The following DTNA variants were observed in gnomAD, a reference collection of about 807,000 sequenced individuals.
The protein encoded by DTNA is dystrobrevin alpha.
In DTNA, 43 loss-of-function variants were observed where a neutral mutation model predicts 100.7. The observed-to-expected ratio is 0.43, with a 90% CI of 0.33 to 0.55. The LOEUF (loss-of-function observed/expected upper bound fraction) is 0.55. Among genes scored for constraint, DTNA ranks in the 20% least tolerant of loss-of-function variants. DTNA has a pLI of 0.04. For missense variants in DTNA, 798 were observed against 953.9 expected (o/e 0.84, Z 2.15); for synonymous variants, 349 against 347.9 (o/e 1.00, Z -0.04).
Position 34,625,379 on chromosome 18 carries a change from C to T in DTNA, c.-1-130597C>T, listed in dbSNP as rs189995837. 6.1e-3 allele frequency among the ~76,000 whole-genome samples: 927 copies of T among 152,146 alleles called. 10 individuals are homozygous for T. The highest frequency in any genetic ancestry group is 0.021 in the African/African-American group (870 of 41,524). ...GTAGAGACGGGGTTTCACCATGTTG[C>T]CCAGGCTGGTCTGGAACTCCTGGTG... On this transcript the variant is annotated intron_variant, in intron 1 of 19. Transcript: ENST00000283365.
rs75111524 is a variant in DTNA at position 34,730,907 on chromosome 18, C to T, written c.-2+20462C>T. Reference sequence around the variant, plus strand: ...GTTGGCAAGGACTGGTGTGGGGAGGCTCACAGCCTTTGATGTCTCTCCAGA... The same window carrying T: ...GTTGGCAAGGACTGGTGTGGGGAGGTTCACAGCCTTTGATGTCTCTCCAGA... On this transcript the variant is annotated intron_variant, in intron 1 of 22. Coordinates refer to ENST00000444659, the MANE Select transcript of DTNA (RefSeq NM_001386795.1). Among the ~76,000 whole-genome samples, 440 of 152,324 alleles carry T rather than the reference C, an allele frequency of 2.9e-3. 2 individuals are homozygous for T. The highest frequency in any genetic ancestry group is 1.0e-2 in the African/African-American group (414 of 41,588).
At chr18:34,725,315 CAGAAT>C (rs1568327472) in intron 1 of DTNA, among the ~76,000 whole-genome samples, 2 of 151,560 alleles carry the variant, frequency 1.3e-5, no homozygotes, top group African/African-American at 2.4e-5. Flanking sequence ...AGGCAACCTA[CAGAAT>C]AGGAGAAAAT....
chr18:34,883,150 A>G (rs1422707184), intron 21 of DTNA, among the ~76,000 whole-genome samples: 2 of 152,102 alleles, frequency 1.3e-5, no homozygotes, highest in South Asian at 2.1e-4. Context: ...TCTTCCTGGT[A>G]TGTTCCTTTT....
At chr18:34,553,533 A>C (rs1360954987) in intron 1 of DTNA, among the ~76,000 whole-genome samples, 1 of 152,064 alleles carries the variant, frequency 6.6e-6, no homozygotes, top group South Asian at 2.1e-4. Context: ...TAAGTCTTTA[A>C]TCCATCTTGA....
chr18:34,544,445 G>T (rs1303159504), intron 1 of DTNA, among the ~76,000 whole-genome samples: 1 of 152,004 alleles, frequency 6.6e-6, no homozygotes, highest in Non-Finnish European at 1.5e-5. Flanking sequence ...AAACTCAAGA[G>T]AACCATACTT....
intron 1 of DTNA, among the ~76,000 whole-genome samples, chr18:34,604,357 G>A (rs1192268766): frequency 2.0e-5 from 3 of 152,086 alleles, no homozygotes; most frequent in African/African-American, 7.2e-5. Context: ...TCAAAACTGT[G>A]GGTAGCATAA....
chr18:34,762,409 A>G (rs1601604346), intron 2 of DTNA, among the ~76,000 whole-genome samples: 1 of 152,172 alleles, frequency 6.6e-6, no homozygotes, highest in Non-Finnish European at 1.5e-5. Context: ...GAAGGCGTCT[A>G]GTAGTATCCT....
chr18:34,558,431 A>G (rs963517710), intron 1 of DTNA, among the ~76,000 whole-genome samples: 2 of 152,146 alleles, frequency 1.3e-5, no homozygotes, highest in African/African-American at 2.4e-5. Flanking sequence ...GATTAATTCA[A>G]CTATTATTTA....
chr18:34,833,404 C>CTGTGTGTGTGTGTG lies in DTNA; in HGVS notation c.1175+3934_1175+3947dup, dbSNP rs58409064. Among the ~76,000 whole-genome samples, 276 of 144,988 alleles carry CTGTGTGTGTGTGTG rather than the reference C, an allele frequency of 1.9e-3. 1 individual carries two copies. The highest frequency in any genetic ancestry group is 6.3e-3 in the African/African-American group (251 of 39,766). ...TACTTTTCCAGAACCCATTGTGTCA[C>CTGTGTGTGTGTGTG]TGTGTGTGTGTGTGTGTGTGTGTGT... On this transcript the variant is annotated intron_variant, in intron 11 of 22. Transcript: ENST00000444659.
At chr18:34,723,044 T>A (rs1256327128) in intron 1 of DTNA, among the ~76,000 whole-genome samples, 1 of 152,188 alleles carries the variant, frequency 6.6e-6, no homozygotes, top group African/African-American at 2.4e-5. Context: ...TTTGAGTAAA[T>A]GTCTATGGGA....
In DTNA at chr18:34,818,360, T is replaced by C. The variant is rs746494875; in HGVS notation, c.876+30T>C. The stretch of plus-strand genomic sequence containing the variant: ...GGCAAGGTCCAGGCAATACTTGGAG[T>C]TGGATGTGTGAGTGTTGCCCAGAGT... On this transcript the variant is annotated intron_variant, in intron 8 of 22. Coordinates refer to ENST00000444659, the MANE Select transcript of DTNA (RefSeq NM_001386795.1). 2.5e-6 allele frequency: 4 copies of C among 1,610,624 alleles called. No individual in the cohort carries two copies. In the East Asian group the frequency reaches 6.7e-5, roughly 27 times the overall value.
At chr18:34,591,886 G>A (rs1185420977) in intron 1 of DTNA, among the ~76,000 whole-genome samples, 4 of 152,182 alleles carry the variant, frequency 2.6e-5, no homozygotes, top group Non-Finnish European at 4.4e-5. Context: ...AAATAGGCTA[G>A]TAATATGATG....
intron 1 of DTNA, among the ~76,000 whole-genome samples, chr18:34,610,270 G>A (rs530430080): frequency 6.6e-6 from 1 of 152,294 alleles, no homozygotes; most frequent in African/African-American, 2.4e-5. Context: ...CTGTGTTTAT[G>A]AGAACTGGGA....
At chr18:34,742,602 G>T (rs931041664) in intron 1 of DTNA, among the ~76,000 whole-genome samples, 2 of 34,764 alleles carry the variant, frequency 5.8e-5, no homozygotes, top group African/African-American at 2.0e-4. Context: ...ATTTGGGGGG[G>T]TTAAGATGTG....
intron 1 of DTNA, among the ~76,000 whole-genome samples, chr18:34,616,109 T>C (rs1182442094): frequency 2.0e-5 from 3 of 152,236 alleles, no homozygotes; most frequent in Non-Finnish European, 4.4e-5. Context: ...TACCCAATAA[T>C]GGGATTGCTG....
intron 20 of DTNA, among the ~76,000 whole-genome samples, chr18:34,880,703 T>C (rs1388393955): frequency 1.3e-5 from 2 of 152,136 alleles, no homozygotes; most frequent in South Asian, 2.1e-4. Flanking sequence ...TCAGTAATCA[T>C]GGAGAATTAT....
intron 11 of DTNA, among the ~76,000 whole-genome samples, chr18:34,836,520 T>C (rs1233209892): frequency 5.9e-5 from 9 of 151,864 alleles, no homozygotes; most frequent in African/African-American, 2.2e-4. Context: ...TGGTGGCGCA[T>C]GCCTGTAATC....
intron 1 of DTNA, among the ~76,000 whole-genome samples, chr18:34,750,055 GA>G (rs1375330763): frequency 1.3e-5 from 2 of 152,294 alleles, no homozygotes; most frequent in South Asian, 4.2e-4. Flanking sequence ...GGGGATTGCT[GA>G]ACCCAGCATT....
At chr18:34,802,681 A>G (rs1165125643) in intron 4 of DTNA, among the ~76,000 whole-genome samples, 2 of 152,168 alleles carry the variant, frequency 1.3e-5, no homozygotes, top group Non-Finnish European at 2.9e-5. Context: ...GACGCTTTTC[A>G]CTTTGGGTTT....
Sources: gnomAD v4.1 joint callset for allele counts (sites outside exome capture counted in the v4.1 genomes callset) on GRCh38, gnomAD v4.1.1 for gene constraint, MANE v1.5 for transcripts, NCBI Gene and HGNC (gene_info 2026-07-23, HGNC 2026-07-21) for gene names.